RFTN1: variants seen among roughly 807,000 people sequenced by gnomAD.
RFTN1 encodes the protein raftlin.
A neutral mutation model predicts 46.5 loss-of-function variants in RFTN1; 26 were observed. The ratio of observed to expected loss-of-function variants is 0.56; its 90% CI spans 0.41 to 0.78. The LOEUF is 0.78. Ranked by LOEUF, RFTN1 falls within the 30% of genes least tolerant of loss-of-function variation. The pLI is 0.00. For synonymous variants in RFTN1, 261 were observed against 284.2 expected (o/e 0.92, Z 0.82); for missense variants, 693 against 718.7 (o/e 0.96, Z 0.41).
chr3:16,391,218 G>A (rs1222717991), intron 4 of RFTN1, among the ~76,000 whole-genome samples: 1 of 152,228 alleles, frequency 6.6e-6, no homozygotes, highest in East Asian at 1.9e-4. Flanking sequence ...GAATGAAGAT[G>A]TAGATTGGGA....
In RFTN1 at chr3:16,427,325, C is replaced by T. The variant is rs2075306190; in HGVS notation, c.332+6526G>A. On this transcript the variant is annotated intron_variant, in intron 3 of 9. Transcript: ENST00000334133. The surrounding 1 kb of genome is among the most constrained non-coding windows in gnomAD (Gnocchi z 5.4). Reference sequence around the variant, plus strand: ...AGGCCACTGTAGGGATCTGAGCTTGCAAGCCCTGTCTTAGAATAAAGACAG... The same window carrying T: ...AGGCCACTGTAGGGATCTGAGCTTGTAAGCCCTGTCTTAGAATAAAGACAG... Among the ~76,000 whole-genome samples the T allele has an allele frequency of 6.6e-6, 1 of 152,150 alleles. No individual in the cohort carries two copies. Among genetic ancestry groups the T allele is most frequent in the African/African-American group, 2.4e-5 (1 of 41,414 alleles).
chr3:16,393,666 T>A (rs920549157), intron 4 of RFTN1, among the ~76,000 whole-genome samples: 3 of 93,626 alleles, frequency 3.2e-5, no homozygotes, highest in African/African-American at 1.2e-4. Context: ...TTTTTTTAAT[T>A]TTTTTTTTTT....
chr3:16,384,732 A>G lies in RFTN1; in HGVS notation c.442-6630T>C, dbSNP rs1289041961. Among the ~76,000 whole-genome samples the G allele has an allele frequency of 6.6e-6, 1 of 152,230 alleles. No individual in the cohort carries two copies. Among genetic ancestry groups the G allele is most frequent in the Middle Eastern group, 3.2e-3 (1 of 316 alleles). On this transcript the variant is annotated intron_variant, in intron 4 of 9. Transcript: ENST00000334133. The surrounding 1 kb of genome is among the most constrained non-coding windows in gnomAD (Gnocchi z 4.7). ...GCTGTCCAATAGGTAGCCACTAGCC[A>G]CATGTGGCTATTTAAATTTAAATTA...
In RFTN1 at chr3:16,433,577, T is replaced by C. The variant is rs927101840; in HGVS notation, c.332+274A>G. The stretch of plus-strand genomic sequence containing the variant: ...ATATGCTTCTTCTGAGGAGACATTT[T>C]TCTAGCTGAGTTTAATCCAGTGAGT... On this transcript the variant is annotated intron_variant, in intron 3 of 9. Coordinates refer to ENST00000334133, the MANE Select transcript of RFTN1 (RefSeq NM_015150.2). The surrounding 1 kb of genome is among the most constrained non-coding windows in gnomAD (Gnocchi z 4.4). 3.9e-5 allele frequency among the ~76,000 whole-genome samples: 6 copies of C among 152,224 alleles called. No individual in the cohort carries two copies. Among genetic ancestry groups the C allele is most frequent in the Non-Finnish European group, 8.8e-5 (6 of 68,030 alleles).
In RFTN1 at chr3:16,433,927, C is replaced by T. The variant is rs373404854; in HGVS notation, c.256G>A (p.Val86Met). 4.3e-6 allele frequency: 7 copies of T among 1,614,040 alleles called. No individual in the cohort carries two copies. The highest frequency in any genetic ancestry group is 1.3e-5 in the African/African-American group (1 of 74,920). The change falls in exon 3 of 10, where the codon GTG (valine) becomes ATG (methionine). Residue 86 changes from valine to methionine, a missense_variant. Val to Met is a conservative substitution (Grantham distance 21, BLOSUM62 1). Transcript: ENST00000334133. The surrounding 1 kb of genome is among the most constrained non-coding windows in gnomAD (Gnocchi z 4.4). ...GFSLAALHPF[V>M]QPTHEREKTP... ...TTCTCCCGCTCATGGGTGGGCTGCA[C>T]GAAGGGGTGCAGGGCCGCCAGCGAG...
At chr3:16,436,768 G>T (rs979279962) in intron 2 of RFTN1, among the ~76,000 whole-genome samples, 1 of 152,080 alleles carries the variant, frequency 6.6e-6, no homozygotes, top group Non-Finnish European at 1.5e-5. Flanking sequence ...GTTTATGACT[G>T]TGATCCATTA....
intron 2 of RFTN1, chr3:16,482,816 G>A (rs1388966573): frequency 6.5e-7 from 1 of 1,536,092 alleles, no homozygotes; most frequent in Non-Finnish European, 8.7e-7. Context: ...GCCAGGGAGG[G>A]CGCAGGGGCA....
At position 16,506,655 on chromosome 3, in the gene RFTN1, G is replaced by A. The variant is rs2076812049; in HGVS notation, c.-9+6787C>T. The stretch of plus-strand genomic sequence containing the variant: ...CTGAGATGGGTAGAAGAAGCCAGGA[G>A]TTAGCCATGTTAACTCCACCCAAGC... On this transcript the variant is annotated intron_variant, in intron 1 of 9. Coordinates refer to ENST00000334133, the MANE Select transcript of RFTN1 (RefSeq NM_015150.2). This position sits in a 1 kb window ranked among gnomAD's most constrained non-coding sequence, Gnocchi z 4.8. 6.6e-6 allele frequency among the ~76,000 whole-genome samples: 1 copy of A among 151,980 alleles called. No individual in the cohort carries two copies. The highest frequency in any genetic ancestry group is 1.5e-5 in the Non-Finnish European group (1 of 68,016).
chr3:16,461,396 T>A (rs572821469), intron 2 of RFTN1, among the ~76,000 whole-genome samples: 1 of 152,220 alleles, frequency 6.6e-6, no homozygotes, highest in Non-Finnish European at 1.5e-5. Flanking sequence ...CTTTTTATAT[T>A]TCCATTTTTA....
chr3:16,493,642 G>A, intron 2 of RFTN1, 83 bp downstream of exon 2: 3 of 1,132,676 alleles, frequency 2.6e-6, no homozygotes, highest in Non-Finnish European at 3.6e-6. Flanking sequence ...ACCCCATCCA[G>A]CTCTCCAACT....
Position 16,320,354 on chromosome 3 carries a change from C to T in RFTN1, c.1332+3022G>A, listed in dbSNP as rs942515584. On this transcript the variant is annotated intron_variant, in intron 9 of 9. Coordinates refer to ENST00000334133, the MANE Select transcript of RFTN1 (RefSeq NM_015150.2). The surrounding 1 kb of genome is among the most constrained non-coding windows in gnomAD (Gnocchi z 4.5). Reference sequence around the variant, plus strand: ...AAAAGAAGACTAAATATGCCACATCCTCGGTGTGCCAATCTTGCAGTTTCT... The same window carrying T: ...AAAAGAAGACTAAATATGCCACATCTTCGGTGTGCCAATCTTGCAGTTTCT... Among the ~76,000 whole-genome samples, 1 of 152,224 alleles carries T rather than the reference C, an allele frequency of 6.6e-6. No individual in the cohort carries two copies. The highest frequency in any genetic ancestry group is 1.5e-5 in the Non-Finnish European group (1 of 68,046).
At chr3:16,366,878 C>A (rs1261981420) in intron 6 of RFTN1, among the ~76,000 whole-genome samples, 1 of 152,212 alleles carries the variant, frequency 6.6e-6, no homozygotes, top group Non-Finnish European at 1.5e-5. Flanking sequence ...CAGAGCCTCC[C>A]CCAGCCCAAG....
rs2075298090 is a variant in RFTN1 at position 16,426,808 on chromosome 3, T to C, written c.332+7043A>G. ...GATCTATCTCATAATGAATTTATGG[T>C]CCTTTAGTAAAAGATTGTAGCAAAA... On this transcript the variant is annotated intron_variant, in intron 3 of 9. Coordinates refer to ENST00000334133, the MANE Select transcript of RFTN1 (RefSeq NM_015150.2). This position sits in a 1 kb window ranked among gnomAD's most constrained non-coding sequence, Gnocchi z 5.9. Among the ~76,000 whole-genome samples the C allele has an allele frequency of 6.6e-6, 1 of 152,166 alleles. No homozygotes were observed. Among genetic ancestry groups the C allele is most frequent in the Non-Finnish European group, 1.5e-5 (1 of 68,026 alleles).
In RFTN1 at chr3:16,358,065, G is replaced by T; in HGVS notation, c.1031-18C>A. The T allele has an allele frequency of 2.2e-6, 3 of 1,373,932 alleles. No homozygotes were observed. Among genetic ancestry groups the T allele is most frequent in the Non-Finnish European group, 1.0e-6 (1 of 965,798 alleles). 85.1% of individuals were successfully genotyped at this position (1,373,932 alleles called of 1,614,324 possible). ...TAAGGAATCTGTGGAAAAAGAAAAA[G>T]GCGGGGGTGGGGGGGGTCTGTAAAC... On this transcript the variant is annotated intron_variant, in intron 6 of 9. Coordinates refer to ENST00000334133, the MANE Select transcript of RFTN1 (RefSeq NM_015150.2).
rs548098373 is a variant in RFTN1 at position 16,502,124 on chromosome 3, T to C, written c.-8-8247A>G. ...ATGGTTGAAAACAATAAGAACACTT[T>C]GGGAGGCCAAGGCAGGTGAATCACT... is the stretch of plus-strand genomic sequence containing the variant. On this transcript the variant is annotated intron_variant, in intron 1 of 9. Coordinates refer to ENST00000334133, the MANE Select transcript of RFTN1 (RefSeq NM_015150.2). Among the ~76,000 whole-genome samples the C allele has an allele frequency of 4.0e-3, 610 of 151,032 alleles. 3 individuals are homozygous for C. The highest frequency in any genetic ancestry group is 0.013 in the African/African-American group (515 of 40,378).
At chr3:16,324,591 A>G (rs1294908511) in intron 8 of RFTN1, among the ~76,000 whole-genome samples, 3 of 148,652 alleles carry the variant, frequency 2.0e-5, no homozygotes, top group African/African-American at 7.5e-5. Context: ...TCATCCTTGT[A>G]ATAAATAACA....
chr3:16,511,975 G>C (rs1427558633), intron 1 of RFTN1, among the ~76,000 whole-genome samples: 1 of 152,092 alleles, frequency 6.6e-6, no homozygotes, highest in East Asian at 1.9e-4. Flanking sequence ...CAGCTCTGGG[G>C]CTTTGAATCA....
rs1165636287 is a variant in RFTN1, at chr3:16,376,478, G to C, written c.826+1240C>G. Among the ~76,000 whole-genome samples, 2 of 152,146 alleles carry C rather than the reference G, an allele frequency of 1.3e-5. No individual in the cohort carries two copies. The highest frequency in any genetic ancestry group is 4.8e-5 in the African/African-American group (2 of 41,430). Reference sequence around the variant, plus strand: ...GGTCCATCTTCCTGCCCAGGATTCAGAGCACACACATCCAGCCCAGCCTCC... The same window carrying C: ...GGTCCATCTTCCTGCCCAGGATTCACAGCACACACATCCAGCCCAGCCTCC... On this transcript the variant is annotated intron_variant, in intron 5 of 9. Transcript: ENST00000334133. This position sits in a 1 kb window ranked among gnomAD's most constrained non-coding sequence, Gnocchi z 4.7.
intron 7 of RFTN1, among the ~76,000 whole-genome samples, chr3:16,357,133 AAAACAAAC>A (rs57233150): frequency 7.5e-4 from 104 of 139,532 alleles, no homozygotes; most frequent in East Asian, 2.6e-3. Flanking sequence ...AAAAAACAAA[AAAACAAAC>A]AAACAAACAA....
Sources: allele counts gnomAD v4.1 joint callset (sites outside exome capture counted in the v4.1 genomes callset), GRCh38; gene constraint gnomAD v4.1.1; non-coding constraint Gnocchi (gnomAD v3.1); transcripts MANE v1.5; gene names NCBI Gene and HGNC (gene_info 2026-07-23, HGNC 2026-07-21).